The following COL4A4 variants were observed in gnomAD, a reference collection of about 807,000 sequenced individuals.
COL4A4 encodes collagen alpha-4(IV) chain.
COL4A4 carries 105 observed loss-of-function variants against 192.9 expected under a neutral mutation model. That is an observed-to-expected ratio of 0.54 (90% CI 0.46 to 0.64). The LOEUF (loss-of-function observed/expected upper bound fraction) is 0.64, where lower values mean the gene tolerates loss of function less well. Among genes scored for constraint, COL4A4 ranks in the 30% least tolerant of loss-of-function variants. COL4A4 has a pLI of 0.00. For missense variants in COL4A4, 1,967 were observed against 2,169.3 expected (o/e 0.91, Z 1.85); for synonymous variants, 762 against 769.9 (o/e 0.99, Z 0.17).
intron 12 of COL4A4, among the ~76,000 whole-genome samples, chr2:227,106,330 C>T (rs534373583): frequency 1.8e-4 from 28 of 152,082 alleles, no homozygotes; most frequent in African/African-American, 5.8e-4. Flanking sequence ...GACAAGCAGC[C>T]GGCTTCTTCA....
intron 32 of COL4A4, among the ~76,000 whole-genome samples, chr2:227,051,793 A>G (rs2150188686): frequency 6.6e-6 from 1 of 152,330 alleles, no homozygotes; most frequent in South Asian, 2.1e-4. Context: ...GGTTGATCCC[A>G]GTTTAGAATA....
intron 22 of COL4A4, among the ~76,000 whole-genome samples, chr2:227,087,643 C>T (rs2059675794): frequency 6.6e-6 from 1 of 152,218 alleles, no homozygotes; most frequent in African/African-American, 2.4e-5. Flanking sequence ...TGTCATATCT[C>T]ACCAGGATTA....
chr2:227,065,118 G>C lies in COL4A4; in HGVS notation c.1988-2520C>G, dbSNP rs561109596. 3.9e-4 allele frequency among the ~76,000 whole-genome samples: 60 copies of C among 152,296 alleles called. 3 individuals are homozygous for C. The East Asian group carries it at 0.011, about 27-fold the overall frequency. ...GAGTTCCCTTTCCTAGTCAAAGAAA[G>C]GGGTGACAGAGGGCACCTGGAAAAT... On this transcript the variant is annotated intron_variant, in intron 25 of 47. Transcript: ENST00000396625.
chr2:226,983,766 A>G, the COL4A4 span, among the ~76,000 whole-genome samples: 4 of 152,344 alleles, frequency 2.6e-5, no homozygotes, highest in African/African-American at 9.6e-5. Flanking sequence ...TCAAAAGTCA[A>G]TGAAAACATT....
chr2:227,143,915 T>C (rs11894973), intron 3 of COL4A4, among the ~76,000 whole-genome samples: 3,121 of 152,322 alleles, frequency 0.02, 101 homozygotes, highest in African/African-American at 0.07. Flanking sequence ...CAGAAGGTAA[T>C]TTTGCACTTT....
In COL4A4 at chr2:227,010,420, C is replaced by T. The variant is rs2149744588; in HGVS notation, c.4415G>A (p.Ser1472Asn). The T allele has an allele frequency of 6.2e-7, 1 of 1,614,120 alleles. No individual in the cohort carries two copies. Among genetic ancestry groups the T allele is most frequent in the African/African-American group, 1.3e-5 (1 of 75,072 alleles). ...GCAGGTGGGCTCCTGGTCCGTCTGA[C>T]TGTGGAGAACCAGGAGGAAGCCACC... ...YLGGFLLVLH[S>N]QTDQEPTCPL... is the part of the protein sequence containing the mutation. The change falls in exon 46 of 48, where the codon AGT becomes AAT. Residue 1472 changes from serine (S) to asparagine (N), a missense_variant. Coordinates refer to ENST00000396625, the MANE Select transcript of COL4A4 (RefSeq NM_000092.5).
chr2:227,034,389 C>T (rs1483134147), intron 37 of COL4A4, among the ~76,000 whole-genome samples: 2 of 152,054 alleles, frequency 1.3e-5, no homozygotes, highest in African/African-American at 2.4e-5. Context: ...GAATATTTAT[C>T]GAGCATCTCC....
Position 227,108,526 on chromosome 2 carries a change from C to G in COL4A4, c.735+55G>C, listed in dbSNP as rs2060990027. On this transcript the variant is annotated intron_variant, in intron 12 of 47. Transcript: ENST00000396625. ...CAAATAATCAGAACAGCCTCCACCC[C>G]TGAGCAGCACACACACGTCACCATC... 1.4e-5 allele frequency: 21 copies of G among 1,544,988 alleles called. No homozygotes were observed. The Admixed American group carries it at 3.5e-4, about 26-fold the overall frequency.
intron 9 of COL4A4, among the ~76,000 whole-genome samples, chr2:227,110,782 C>G (rs962590192): frequency 6.8e-6 from 1 of 146,516 alleles, no homozygotes; most frequent in African/African-American, 2.5e-5. Context: ...CTTCCGGGTT[C>G]GAGTGATTCC....
At chr2:227,011,394 AAG>A (rs1441718660) in intron 45 of COL4A4, among the ~76,000 whole-genome samples, 1 of 152,216 alleles carries the variant, frequency 6.6e-6, no homozygotes, top group East Asian at 1.9e-4. Context: ...ATTTTGAACG[AAG>A]AGAGTGTAGA....
intron 46 of COL4A4, among the ~76,000 whole-genome samples, chr2:227,008,512 A>G (rs554389091): frequency 6.6e-6 from 1 of 152,240 alleles, no homozygotes; most frequent in East Asian, 1.9e-4. Flanking sequence ...ACTCGAGCCA[A>G]GCAGGGGGCC....
At chr2:227,052,014 AC>A (rs1974218959) in intron 32 of COL4A4, among the ~76,000 whole-genome samples, 1 of 151,924 alleles carries the variant, frequency 6.6e-6, no homozygotes, top group Non-Finnish European at 1.5e-5. Context: ...ACATGGTGAA[AC>A]CCCCATCTTT....
intron 26 of COL4A4, among the ~76,000 whole-genome samples, chr2:227,060,473 G>A (rs1441049310): frequency 1.3e-5 from 2 of 152,194 alleles, no homozygotes; most frequent in Admixed American, 6.5e-5. Flanking sequence ...GCCATCCTGT[G>A]AAGGATTCTT....
At chr2:227,047,045 C>A (rs1423633340) in intron 35 of COL4A4, among the ~76,000 whole-genome samples, 1 of 152,056 alleles carries the variant, frequency 6.6e-6, no homozygotes, top group Non-Finnish European at 1.5e-5. Flanking sequence ...CTGGCATGTG[C>A]TTTTCTCAGT....
At chr2:227,100,308 A>C (rs2060434742) in intron 17 of COL4A4, among the ~76,000 whole-genome samples, 1 of 152,224 alleles carries the variant, frequency 6.6e-6, no homozygotes, top group South Asian at 2.1e-4. Context: ...CACCTTCAAA[A>C]GGATCACTTC....
chr2:227,079,928 C>A (rs77288898), intron 24 of COL4A4, among the ~76,000 whole-genome samples: 1 of 152,160 alleles, frequency 6.6e-6, no homozygotes, highest in South Asian at 2.1e-4. Context: ...ATGGTATCCA[C>A]CCAACGCATG....
In COL4A4 at chr2:227,010,330, G is replaced by C. The variant is rs1022726727; in HGVS notation, c.4505C>G (p.Ala1502Gly). 6 of 1,614,130 alleles carry C rather than the reference G, an allele frequency of 3.7e-6. No homozygotes were observed. Among genetic ancestry groups the C allele is most frequent in the Non-Finnish European group, 5.1e-6 (6 of 1,180,058 alleles). ...SLLYLEGQEKAHNQDLGLAGS... is the reference protein window; with the variant it reads ...SLLYLEGQEKGHNQDLGLAGS... ...ATCCATACCAAGGTCTTGATTGTGA[G>C]CTTTCTCTTGCCCTTCCAGGTATAA... The change falls in exon 46 of 48, where the codon GCT becomes GGT. Residue 1502 changes from alanine (A) to glycine (G), a missense_variant. Coordinates refer to ENST00000396625, the MANE Select transcript of COL4A4 (RefSeq NM_000092.5).
At chr2:226,994,726 A>G in the COL4A4 span, among the ~76,000 whole-genome samples, 1 of 152,076 alleles carries the variant, frequency 6.6e-6, no homozygotes, top group East Asian at 1.9e-4. Context: ...TCCCTTTATT[A>G]CTACTCATGA....
chr2:227,039,643 G>C (rs1396990291), intron 37 of COL4A4, among the ~76,000 whole-genome samples: 2 of 152,160 alleles, frequency 1.3e-5, no homozygotes, highest in Non-Finnish European at 2.9e-5. Flanking sequence ...ACTAAACTGG[G>C]AGGGTAGGAA....
Sources: allele counts gnomAD v4.1 joint callset (sites outside exome capture counted in the v4.1 genomes callset), GRCh38; gene constraint gnomAD v4.1.1; transcripts MANE v1.5; gene names NCBI Gene and HGNC (gene_info 2026-07-23, HGNC 2026-07-21).